Variants in TENM4 observed in about 807,000 individuals in gnomAD.
TENM4 encodes the protein teneurin transmembrane protein 4.
A neutral mutation model predicts 243.3 loss-of-function variants in TENM4; 82 were observed. The ratio of observed to expected loss-of-function variants is 0.34; its 90% confidence interval spans 0.28 to 0.40. The LOEUF (loss-of-function observed/expected upper bound fraction) is 0.40. Among genes scored for constraint, TENM4 ranks in the 10% least tolerant of loss-of-function variants. The probability of loss-of-function intolerance (pLI) is 1.00; values close to 1 mark genes in which losing one functional copy is unlikely to be tolerated. For missense variants in TENM4, 3,138 were observed against 3,673.3 expected (o/e 0.85, Z 3.77); for synonymous variants, 1,412 against 1,456.3 (o/e 0.97, Z 0.69).
At chr11:79,401,326 T>C (rs1858457424) in intron 1 of TENM4, among the ~76,000 whole-genome samples, 1 of 152,116 alleles carries the variant, frequency 6.6e-6, no homozygotes, top group Non-Finnish European at 1.5e-5. Context: ...GAAGAGCCGA[T>C]TTACAGAAAG....
chr11:79,404,868 C>T (rs544318741), intron 1 of TENM4, among the ~76,000 whole-genome samples: 222 of 151,162 alleles, frequency 1.5e-3, no homozygotes, highest in African/African-American at 5.0e-3. Context: ...TAGAAGACAG[C>T]GGGGGGTGGG....
chr11:79,056,196 A>G (rs942857862), intron 6 of TENM4, among the ~76,000 whole-genome samples: 4 of 152,170 alleles, frequency 2.6e-5, no homozygotes, highest in Admixed American at 6.5e-5. Flanking sequence ...CTCCACTGGA[A>G]TTGAAAATCG....
intron 19 of TENM4, among the ~76,000 whole-genome samples, chr11:78,742,479 C>T (rs928331663): frequency 1.3e-5 from 2 of 152,144 alleles, no homozygotes; most frequent in African/African-American, 4.8e-5. Context: ...ATTACGATCT[C>T]CACTTACTTG....
At chr11:78,893,931 C>T (rs1306428258) in intron 7 of TENM4, among the ~76,000 whole-genome samples, 8 of 152,104 alleles carry the variant, frequency 5.3e-5, no homozygotes, top group African/African-American at 1.7e-4. Flanking sequence ...GATTATTGTG[C>T]TTTTTCCTAA....
intron 32 of TENM4, among the ~76,000 whole-genome samples, chr11:78,668,455 T>C (rs1176522469): frequency 1.3e-5 from 2 of 152,148 alleles, no homozygotes; most frequent in African/African-American, 2.4e-5. Flanking sequence ...CATTCTTACA[T>C]TATCCCAAAT....
intron 12 of TENM4, among the ~76,000 whole-genome samples, chr11:78,845,019 T>C (rs1421338882): frequency 6.6e-6 from 1 of 152,212 alleles, no homozygotes; most frequent in Non-Finnish European, 1.5e-5. Context: ...CTAAGTACTC[T>C]TCTCAAAATA....
At chr11:79,025,003 C>T (rs753899489) in intron 6 of TENM4, among the ~76,000 whole-genome samples, 6 of 152,122 alleles carry the variant, frequency 3.9e-5, no homozygotes, top group South Asian at 2.1e-4. Flanking sequence ...CAGCAACATC[C>T]CTTGAAAAAC....
At chr11:79,234,916 T>C (rs1045869603) in intron 2 of TENM4, among the ~76,000 whole-genome samples, 7 of 152,142 alleles carry the variant, frequency 4.6e-5, no homozygotes, top group African/African-American at 1.4e-4. Flanking sequence ...AAATATCTAC[T>C]GAAGCATTGA....
Position 78,652,869 on chromosome 11 carries a change from C to A in TENM4, c.*5189G>T, listed in dbSNP as rs1379314181. The A allele has an allele frequency of 6.6e-6, 1 of 152,206 alleles. No individual in the cohort carries two copies. The highest frequency in any genetic ancestry group is 1.5e-5 in the Non-Finnish European group (1 of 68,044). 9.4% of individuals were successfully genotyped at this position (152,206 alleles called of 1,614,324 possible). A position where few individuals can be genotyped will look rare whatever the true frequency, so the allele number is the denominator to read the frequency against. On this transcript the variant is annotated 3_prime_UTR_variant, in exon 34 of 34. Coordinates refer to ENST00000278550, the MANE Select transcript of TENM4 (RefSeq NM_001098816.3). ...GTCATTTATTTTTAAAGTGCAACGGCTCACATCCCTTGTGGAAGGCAGTGG... is the reference window on the plus strand; with the variant it reads ...GTCATTTATTTTTAAAGTGCAACGGATCACATCCCTTGTGGAAGGCAGTGG...
chr11:79,005,142 A>T (rs1297566037), intron 6 of TENM4, among the ~76,000 whole-genome samples: 1 of 151,980 alleles, frequency 6.6e-6, no homozygotes, highest in African/African-American at 2.4e-5. Context: ...CCAGAGAAAA[A>T]CCAGGACCAG....
At chr11:79,345,782 G>A (rs146709047) in intron 1 of TENM4, among the ~76,000 whole-genome samples, 226 of 152,174 alleles carry the variant, frequency 1.5e-3, no homozygotes, top group Admixed American at 2.2e-3. Flanking sequence ...ATACCTTACC[G>A]ATAATTTCAA....
intron 6 of TENM4, among the ~76,000 whole-genome samples, chr11:78,988,429 C>T (rs1047237041): frequency 6.6e-6 from 1 of 152,176 alleles, no homozygotes; most frequent in African/African-American, 2.4e-5. Context: ...TGTTGTTGTG[C>T]TAAGCAGCTA....
intron 1 of TENM4, among the ~76,000 whole-genome samples, chr11:79,318,354 T>C (rs181267410): frequency 2.6e-4 from 40 of 152,280 alleles, no homozygotes; most frequent in Admixed American, 2.2e-3. Flanking sequence ...CAGCTCAATA[T>C]AATGAAGGAT....
rs1438131052 is a variant in TENM4 at position 78,903,272 on chromosome 11, T to C, written c.745A>G (p.Thr249Ala). 2.7e-6 allele frequency: 4 copies of C among 1,488,978 alleles called. No individual in the cohort carries two copies. The highest frequency in any genetic ancestry group is 3.6e-6 in the Non-Finnish European group (4 of 1,124,658). 92.2% of individuals were successfully genotyped at this position (1,488,978 alleles called of 1,614,324 possible). A position where few individuals can be genotyped will look rare whatever the true frequency, so the allele number is the denominator to read the frequency against. Reference protein sequence around the residue: ...WLLNSNIPLETRNLGKQPFLG... With the variant: ...WLLNSNIPLEARNLGKQPFLG... Reference sequence around the variant, plus strand: ...CCCTCCCTACCGGCCGCGCACCTGGTCTCCAGGGGGATGTTGCTGTTGAGC... The same window carrying C: ...CCCTCCCTACCGGCCGCGCACCTGGCCTCCAGGGGGATGTTGCTGTTGAGC... Residue 249 changes from threonine (T) to alanine (A), a missense_variant, in exon 7 of 34, where the codon ACC becomes GCC. Physicochemically the swap from Thr to Ala is moderately conservative, Grantham distance 58. This residue lies in a region of TENM4 where 671 missense variants were observed against 614.1 expected (regional missense o/e 1.09). Coordinates refer to ENST00000278550, the MANE Select transcript of TENM4 (RefSeq NM_001098816.3).
At chr11:78,845,482 A>G (rs1161654099) in intron 12 of TENM4, among the ~76,000 whole-genome samples, 1 of 152,124 alleles carries the variant, frequency 6.6e-6, no homozygotes, top group Non-Finnish European at 1.5e-5. Context: ...GGACCACACC[A>G]TCTATCTGGT....
intron 1 of TENM4, among the ~76,000 whole-genome samples, chr11:79,329,138 G>T (rs925371717): frequency 6.6e-6 from 1 of 152,210 alleles, no homozygotes; most frequent in African/African-American, 2.4e-5. Context: ...TTCACTAGAT[G>T]AGCATTTTTG....
chr11:79,411,529 A>T (rs182327264), intron 1 of TENM4, among the ~76,000 whole-genome samples: 1 of 152,170 alleles, frequency 6.6e-6, no homozygotes. Flanking sequence ...CTTAGGCTAC[A>T]CCACCCTCCT....
intron 6 of TENM4, among the ~76,000 whole-genome samples, chr11:78,950,669 G>A (rs1284718486): frequency 2.0e-5 from 3 of 152,174 alleles, no homozygotes; most frequent in African/African-American, 7.2e-5. Context: ...AAGACTGTAC[G>A]ATAACTGGGC....
chr11:78,989,028 C>G (rs556397049), intron 6 of TENM4, among the ~76,000 whole-genome samples: 1 of 152,170 alleles, frequency 6.6e-6, no homozygotes, highest in Non-Finnish European at 1.5e-5. Flanking sequence ...AGCTAAGGTC[C>G]AGACCTCAGC....
Sources: gnomAD v4.1 joint callset for allele counts (sites outside exome capture counted in the v4.1 genomes callset) on GRCh38, gnomAD v4.1.1 for gene constraint, gnomAD v4.1.1 regional missense constraint, MANE v1.5 for transcripts, NCBI Gene and HGNC (gene_info 2026-07-23, HGNC 2026-07-21) for gene names.